ERBB4: variants seen among roughly 807,000 people sequenced by gnomAD.
ERBB4 encodes the protein erb-b2 receptor tyrosine kinase 4.
A neutral mutation model predicts 158.0 loss-of-function variants in ERBB4; 42 were observed. The observed-to-expected ratio is 0.27, with a 90% CI of 0.21 to 0.34. ERBB4 has a LOEUF of 0.34. Among genes scored for constraint, ERBB4 ranks in the 10% least tolerant of loss-of-function variants. The pLI is 1.00. For synonymous variants in ERBB4, 583 were observed against 558.7 expected (o/e 1.04, Z -0.61); for missense variants, 1,333 against 1,624.1 (o/e 0.82, Z 3.08).
intron 3 of ERBB4, among the ~76,000 whole-genome samples, chr2:211,853,450 CTGTTCAAACTCTGT>C (rs1172501690): frequency 6.6e-6 from 1 of 152,042 alleles, no homozygotes; most frequent in Non-Finnish European, 1.5e-5. Context: ...ACTCCCATGG[CTGTTCAAACTCTGT>C]TGATAACCTC....
chr2:212,402,150 G>C (rs1371443279), intron 1 of ERBB4, among the ~76,000 whole-genome samples: 1 of 152,004 alleles, frequency 6.6e-6, no homozygotes, highest in African/African-American at 2.4e-5. Context: ...ATAAACAGTG[G>C]TGCATACACA....
intron 16 of ERBB4, among the ~76,000 whole-genome samples, chr2:211,639,637 C>T (rs1034636556): frequency 7.2e-5 from 11 of 152,162 alleles, no homozygotes; most frequent in Non-Finnish European, 1.2e-4. Flanking sequence ...CTTTATCTAT[C>T]GAAGCATTAA....
chr2:212,517,161 T>C (rs532364344), intron 1 of ERBB4, among the ~76,000 whole-genome samples: 6 of 152,276 alleles, frequency 3.9e-5, no homozygotes, highest in Non-Finnish European at 7.4e-5. Flanking sequence ...TTAACTTTGG[T>C]TTGCTCAACA....
At chr2:212,340,094 G>A (rs1431692307) in intron 1 of ERBB4, among the ~76,000 whole-genome samples, 1 of 150,374 alleles carries the variant, frequency 6.7e-6, no homozygotes, top group Non-Finnish European at 1.5e-5. Context: ...GAAGTGCAGT[G>A]GAGTGACCAA....
intron 1 of ERBB4, among the ~76,000 whole-genome samples, chr2:212,535,540 A>G (rs1693003767): frequency 6.6e-6 from 1 of 152,188 alleles, no homozygotes; most frequent in Admixed American, 6.5e-5. Context: ...TCGTTTATCT[A>G]CTAAGGTATA....
At chr2:212,439,149 G>A (rs1251446699) in intron 1 of ERBB4, among the ~76,000 whole-genome samples, 1 of 152,082 alleles carries the variant, frequency 6.6e-6, no homozygotes, top group Non-Finnish European at 1.5e-5. Context: ...CTTAGATAGT[G>A]TGTACAAGTC....
chr2:212,499,668 C>T (rs1258409868), intron 1 of ERBB4, among the ~76,000 whole-genome samples: 1 of 152,030 alleles, frequency 6.6e-6, no homozygotes, highest in South Asian at 2.1e-4. Flanking sequence ...AAATCAATAA[C>T]TATAACCATC....
rs115993555 is a variant in ERBB4, at chr2:212,232,708, G to A, written c.83-107805C>T. On this transcript the variant is annotated intron_variant, in intron 1 of 27. Transcript: ENST00000342788. ...CAGGCGTGAGCCACCACACCCGGCC[G>A]GGAGTAAGTAAAGATTCTAAATGGA... Among the ~76,000 whole-genome samples, 752 of 152,172 alleles carry A rather than the reference G, an allele frequency of 4.9e-3. 6 individuals carry two copies. Among genetic ancestry groups the A allele is most frequent in the African/African-American group, 0.016 (671 of 41,540 alleles).
chr2:212,267,736 C>T (rs2085197759), intron 1 of ERBB4, among the ~76,000 whole-genome samples: 1 of 151,408 alleles, frequency 6.6e-6, no homozygotes, highest in Admixed American at 6.6e-5. Flanking sequence ...TCTCCTAATG[C>T]TATCCCTCCC....
chr2:211,762,178 T>A (rs1246214858), intron 4 of ERBB4, among the ~76,000 whole-genome samples: 1 of 152,152 alleles, frequency 6.6e-6, no homozygotes, highest in Non-Finnish European at 1.5e-5. Context: ...GTAGAGGTGA[T>A]ATGGCAGATA....
At chr2:212,344,611 G>T (rs1260796743) in intron 1 of ERBB4, among the ~76,000 whole-genome samples, 1 of 13,772 alleles carries the variant, frequency 7.3e-5, no homozygotes, top group African/African-American at 2.4e-4. Flanking sequence ...GTAATACAAA[G>T]AAAAATGTTT....
chr2:212,112,970 C>T (rs1285852661), intron 2 of ERBB4, among the ~76,000 whole-genome samples: 2 of 152,058 alleles, frequency 1.3e-5, no homozygotes, highest in Non-Finnish European at 2.9e-5. Context: ...CATAAATTGA[C>T]AAAAATGCAC....
At chr2:211,479,480 G>A (rs35115632) in intron 20 of ERBB4, among the ~76,000 whole-genome samples, 1 of 151,978 alleles carries the variant, frequency 6.6e-6, no homozygotes. Flanking sequence ...ACTGTACATT[G>A]TTTGAAGGTG....
At position 211,536,183 on chromosome 2, in the gene ERBB4, A is replaced by G. The variant is rs561892495; in HGVS notation, c.2487+25720T>C. Among the ~76,000 whole-genome samples, 5 of 152,242 alleles carry G rather than the reference A, an allele frequency of 3.3e-5. No homozygotes were observed. In the East Asian group the frequency reaches 9.7e-4, roughly 29 times the overall value. On this transcript the variant is annotated intron_variant, in intron 20 of 27. Transcript: ENST00000342788. ...ATGACACCAAAAGAAAATGAGTTAC[A>G]TTCGATAATTAAAAATTTTTCAGCT...
rs1226314231 is a variant in ERBB4, at chr2:211,892,639, G to A, written c.421+54791C>T. Among the ~76,000 whole-genome samples, 32 of 145,786 alleles carry A rather than the reference G, an allele frequency of 2.2e-4. 3 individuals are homozygous for A. The highest frequency in any genetic ancestry group is 1.5e-3 in the South Asian group (7 of 4,748). Reference sequence around the variant, plus strand: ...CAAATTGTCCCTGTTTGCAGATGACGTGATTGTATATCTAGAAAACCCCAT... The same window carrying A: ...CAAATTGTCCCTGTTTGCAGATGACATGATTGTATATCTAGAAAACCCCAT... On this transcript the variant is annotated intron_variant, in intron 3 of 27. Transcript: ENST00000342788.
chr2:211,913,744 T>TGCACAGACAAAGG (rs2079607224), intron 3 of ERBB4, among the ~76,000 whole-genome samples: 1 of 151,600 alleles, frequency 6.6e-6, no homozygotes. Flanking sequence ...CGTATGGGCC[T>TGCACAGACAAAGG]TTCTTATTAT....
chr2:211,864,404 T>C (rs1213399965), intron 3 of ERBB4, among the ~76,000 whole-genome samples: 1 of 152,156 alleles, frequency 6.6e-6, no homozygotes, highest in Non-Finnish European at 1.5e-5. Context: ...CTCCTCCACC[T>C]GGAGCAGTAA....
chr2:211,789,141 T>C (rs2076229094), intron 3 of ERBB4, among the ~76,000 whole-genome samples: 2 of 152,114 alleles, frequency 1.3e-5, no homozygotes, highest in African/African-American at 4.8e-5. Context: ...CAAATACACA[T>C]AGCACCTTCC....
chr2:211,962,615 T>C (rs1345344910), intron 2 of ERBB4, among the ~76,000 whole-genome samples: 1 of 152,110 alleles, frequency 6.6e-6, no homozygotes, highest in East Asian at 1.9e-4. Context: ...AGGGTAAAAA[T>C]GGAGTAGGTT....
Sources: allele counts gnomAD v4.1 joint callset (sites outside exome capture counted in the v4.1 genomes callset), GRCh38; gene constraint gnomAD v4.1.1; transcripts MANE v1.5; gene names NCBI Gene and HGNC (gene_info 2026-07-23, HGNC 2026-07-21).